Variants in IDH3G observed in about 807,000 individuals in gnomAD.
IDH3G encodes the protein isocitrate dehydrogenase (NAD(+)) 3 non-catalytic subunit gamma, also known as isocitrate dehydrogenase [NAD] subunit gamma, mitochondrial.
IDH3G carries 9 observed loss-of-function variants against 26.9 expected under a neutral mutation model. That is an observed-to-expected ratio of 0.34 (90% confidence interval 0.20 to 0.58). IDH3G has a LOEUF of 0.58. Among genes scored for constraint, IDH3G ranks in the 20% least tolerant of loss-of-function variants. The pLI is 0.85. For synonymous variants in IDH3G, 181 were observed against 160.0 expected, an observed-to-expected ratio of 1.13 and a Z score of -0.99; for missense variants, 250 against 372.8, an observed-to-expected ratio of 0.67 and a Z score of 2.71.
At chrX:153,786,539 T>A (rs2092088802) in intron 10 of IDH3G, 90 bp from the exon 11 acceptor site, 1 of 763,902 alleles carries the variant, frequency 1.3e-6, no homozygotes, top group Admixed American at 2.8e-5. Context: ...AAGAAGCCAC[T>A]CCACAGGGAC....
At chrX:153,788,014 C>G in intron 6 of IDH3G, 59 bp from the exon 7 acceptor site, 1 of 1,204,877 alleles carries the variant, frequency 8.3e-7, no homozygotes, top group African/African-American at 1.7e-5. Context: ...TGGAGCCAGA[C>G]TCCACTGGCT....
rs181316468 is a variant in IDH3G, at chrX:153,787,968, G to A, written c.408-13C>T. ...GTCCAGGCTGGTGCTGGGAGGGGAC[G>A]GAGAAAGAGGCTGCTAGGCCTGACA... On this transcript the variant is annotated splice_polypyrimidine_tract_variant and intron_variant, in intron 6 of 12. Transcript: ENST00000217901. 24 of 1,208,689 alleles carry A rather than the reference G, an allele frequency of 2.0e-5. No homozygotes were observed. In the East Asian group the frequency reaches 3.6e-4, roughly 18 times the overall value.
intron 4 of IDH3G, 149 bp downstream of exon 4, chrX:153,790,042 TGGCG>T (rs1370166339): frequency 6.7e-5 from 34 of 508,316 alleles, no homozygotes; most frequent in South Asian, 1.5e-4. Context: ...CAGGCCAGTC[TGGCG>T]GGATCACAGG....
chrX:153,790,164 A>G, intron 4 of IDH3G, 31 bp downstream of exon 4: 1 of 1,137,822 alleles, frequency 8.8e-7, no homozygotes, highest in Non-Finnish European at 1.2e-6. Flanking sequence ...CCCCTGGCTG[A>G]GGACAAGGCG....
At chrX:153,792,343 T>G (rs1865968724) in intron 1 of IDH3G, 1 of 112,619 alleles carries the variant, frequency 8.9e-6, no homozygotes, top group African/African-American at 3.2e-5. Context: ...TCGGTCCAAA[T>G]CCACCATCCA....
chrX:153,789,153 C>T (rs1355067503), intron 5 of IDH3G: 5 of 341,267 alleles, frequency 1.5e-5, no homozygotes, highest in African/African-American at 2.6e-5. Flanking sequence ...CCCGAGGAGG[C>T]GTCCACCCAG....
In IDH3G at chrX:153,794,300, G is replaced by A. The variant is rs1557071383; in HGVS notation, c.27C>T (p.Ala9=). The change falls in exon 1 of 13, where the codon GCC becomes GCT. Residue 9 remains alanine, a synonymous_variant. Transcript: ENST00000217901. MALKVATV[A]GSAAKAVLGP... is the part of the protein sequence containing the mutation. ...CGAGCACCGCCTTCGCGGCGCTGCC[G>A]GCGACGGTCGCTACCTTCAGCGCCA... 1 of 1,198,614 alleles carries A rather than the reference G, an allele frequency of 8.3e-7. No individual in the cohort carries two copies. Among genetic ancestry groups the A allele is most frequent in the Non-Finnish European group, 1.1e-6 (1 of 890,730 alleles).
At chrX:153,787,368 G>A in intron 8 of IDH3G, 96 bp downstream of exon 8, 1 of 1,089,658 alleles carries the variant, frequency 9.2e-7, no homozygotes, top group Non-Finnish European at 1.2e-6. Flanking sequence ...ACCTCGGTGG[G>A]TAGCTGGGCT....
At chrX:153,792,207 G>A (rs1264423757) in intron 1 of IDH3G, 1 of 111,598 alleles carries the variant, frequency 9.0e-6, no homozygotes. Flanking sequence ...GGCCAAGTCA[G>A]TGTGGTCCAA....
chrX:153,792,718 G>A (rs1286009656), intron 1 of IDH3G, among the ~76,000 whole-genome samples: 6 of 112,533 alleles, frequency 5.3e-5, no homozygotes, highest in African/African-American at 1.9e-4. Context: ...TTTGGGCTTT[G>A]GCAAAAGACC....
intron 1 of IDH3G, 53 bp downstream of exon 1, chrX:153,794,193 C>A: frequency 8.9e-7 from 1 of 1,128,485 alleles, no homozygotes; most frequent in Non-Finnish European, 1.2e-6. Context: ...TGCGGCTACC[C>A]CACCGCTCCC....
intron 7 of IDH3G, 75 bp from the exon 8 acceptor site, chrX:153,787,672 G>C: frequency 8.7e-7 from 1 of 1,154,976 alleles, no homozygotes; most frequent in Non-Finnish European, 1.2e-6. Context: ...GGCGCGACCG[G>C]GCCACCGTGG....
Position 153,787,156 on chromosome X carries a change from G to T in IDH3G, c.675-3C>A, listed in dbSNP as rs782192922. On this transcript the variant is annotated splice_polypyrimidine_tract_variant and splice_region_variant and intron_variant, in intron 8 of 12. Transcript: ENST00000217901. ...GGAAAAGCCCATCGCCCAGTTTCCT[G>T]GTGGGGGGTTAGGAATAGGACACCA... 3.8e-5 allele frequency: 45 copies of T among 1,192,112 alleles called. No individual in the cohort carries two copies. The highest frequency in any genetic ancestry group is 4.9e-5 in the Non-Finnish European group (43 of 879,456).
chrX:153,786,091 A>G, intron 12 of IDH3G, 118 bp from the exon 13 acceptor site: 1 of 1,197,913 alleles, frequency 8.3e-7, no homozygotes, highest in Non-Finnish European at 1.1e-6. Context: ...GGGCCAGAAG[A>G]TGGGGCCAGA....
At chrX:153,787,300 C>A (rs782568713) in intron 8 of IDH3G, 147 bp from the exon 9 acceptor site, 1 of 773,644 alleles carries the variant, frequency 1.3e-6, no homozygotes, top group Admixed American at 2.6e-5. Flanking sequence ...ACCCCACCTC[C>A]CCTAAGTGTG....
chrX:153,790,818 T>A lies in IDH3G; in HGVS notation c.115A>T (p.Ile39Phe), dbSNP rs2092106864. 8.3e-7 allele frequency: 1 copy of A among 1,210,501 alleles called. No individual in the cohort carries two copies. The highest frequency in any genetic ancestry group is 1.7e-5 in the African/African-American group (1 of 57,435). Residue 39 changes from isoleucine (I) to phenylalanine (F), a missense_variant, in exon 2 of 13, where the codon ATC (isoleucine) becomes TTC (phenylalanine). Coordinates refer to ENST00000217901, the MANE Select transcript of IDH3G (RefSeq NM_004135.4). ...CACGGGCAGGTACTTACTGAAAAGA[T>A]GTTCCTCGAGGGGACCTCGTGGGCG... is the stretch of plus-strand genomic sequence containing the variant. ...LGAHEVPSRN[I>F]FSEQTIPPSA... is the part of the protein sequence containing the mutation.
chrX:153,786,269 C>T lies in IDH3G; in HGVS notation c.1023G>A (p.Leu341=). ...ASCMMLDHLK[L]HSYATSIRKA... The stretch of plus-strand genomic sequence containing the variant: ...TACGGATGGAGGTGGCATAGGAGTG[C>T]AGCCTAGAGGATGGGACAGCCAGCC... Residue 341 remains leucine, a synonymous_variant, in exon 12 of 13, where the codon CTG becomes CTA. Coordinates refer to ENST00000217901, the MANE Select transcript of IDH3G (RefSeq NM_004135.4). 8.3e-7 allele frequency: 1 copy of T among 1,204,826 alleles called. No individual in the cohort carries two copies. Among genetic ancestry groups the T allele is most frequent in the Non-Finnish European group, 1.1e-6 (1 of 891,079 alleles).
At position 153,787,988 on chromosome X, in the gene IDH3G, C is replaced by T. The variant is rs199606939; in HGVS notation, c.408-33G>A. 12 of 1,209,394 alleles carry T rather than the reference C, an allele frequency of 9.9e-6. No individual in the cohort carries two copies. In the African/African-American group the frequency reaches 1.9e-4, roughly 19 times the overall value. ...GGGACGGAGAAAGAGGCTGCTAGGC[C>T]TGACAGGTGGCTGACTGGAGCCAGA... On this transcript the variant is annotated intron_variant, in intron 6 of 12. Coordinates refer to ENST00000217901, the MANE Select transcript of IDH3G (RefSeq NM_004135.4).
intron 3 of IDH3G, 75 bp downstream of exon 3, chrX:153,790,488 AC>A: frequency 3.2e-6 from 3 of 948,174 alleles, no homozygotes; most frequent in South Asian, 4.1e-5. Context: ...GCAGCAGCCC[AC>A]CCCCACCTGG....
Sources: allele counts gnomAD v4.1 joint callset (sites outside exome capture counted in the v4.1 genomes callset), GRCh38; gene constraint gnomAD v4.1.1; transcripts MANE v1.5; gene names NCBI Gene and HGNC (gene_info 2026-07-23, HGNC 2026-07-21).